The following MPHOSPH9 variants were observed in gnomAD, a reference collection of about 807,000 sequenced individuals.
MPHOSPH9 encodes the protein M-phase phosphoprotein 9.
A neutral mutation model predicts 145.5 loss-of-function variants in MPHOSPH9; 88 were observed. The ratio of observed to expected loss-of-function variants is 0.60; its 90% CI spans 0.51 to 0.72. The LOEUF (loss-of-function observed/expected upper bound fraction) is 0.72. MPHOSPH9 is among the 30% of genes least tolerant of loss of function. MPHOSPH9 has a pLI of 0.00. For synonymous variants in MPHOSPH9, 435 were observed against 486.2 expected (o/e 0.89, Z 1.39); for missense variants, 1,238 against 1,386.6 (o/e 0.89, Z 1.70).
intron 7 of MPHOSPH9, among the ~76,000 whole-genome samples, chr12:123,213,362 G>C (rs1203223872): frequency 1.3e-5 from 2 of 150,714 alleles, no homozygotes; most frequent in Non-Finnish European, 3.0e-5. Flanking sequence ...TTTTTCTTGA[G>C]ACAAAGTCTT....
At chr12:123,162,957 A>G (rs1006751613) in intron 20 of MPHOSPH9, 57 bp downstream of exon 20, 25 of 1,464,098 alleles carry the variant, frequency 1.7e-5, no homozygotes, top group Non-Finnish European at 2.3e-5. Context: ...ATAAGTCAAC[A>G]TTTAGAAAAA....
chr12:123,182,773 G>C (rs1275294021), intron 13 of MPHOSPH9, among the ~76,000 whole-genome samples: 2 of 149,650 alleles, frequency 1.3e-5, no homozygotes, highest in Non-Finnish European at 3.0e-5. Context: ...AATTAGCTGG[G>C]TGTGGTGGCG....
At chr12:123,225,880 A>G (rs2047419540) in intron 3 of MPHOSPH9, among the ~76,000 whole-genome samples, 1 of 151,964 alleles carries the variant, frequency 6.6e-6, no homozygotes, top group Admixed American at 6.6e-5. Flanking sequence ...TACTAAAAAT[A>G]CAAGAATTAG....
At chr12:123,165,277 C>T in intron 18 of MPHOSPH9, 25 bp downstream of exon 18, 1 of 1,559,298 alleles carries the variant, frequency 6.4e-7, no homozygotes, top group African/African-American at 1.4e-5. Context: ...CTATATCCAT[C>T]TATCTCAAAC....
chr12:123,168,719 A>AG (rs2044436348), intron 16 of MPHOSPH9, among the ~76,000 whole-genome samples: 1 of 149,532 alleles, frequency 6.7e-6, no homozygotes, highest in African/African-American at 2.4e-5. Context: ...CCCTCCTCAA[A>AG]CCTCCCATCC....
At chr12:123,228,953 GCATA>G (rs995932820) in intron 2 of MPHOSPH9, among the ~76,000 whole-genome samples, 15 of 152,162 alleles carry the variant, frequency 9.9e-5, no homozygotes, top group Non-Finnish European at 1.9e-4. Context: ...TTCTGCAAGT[GCATA>G]CAGATTACTG....
upstream of MPHOSPH9, among the ~76,000 whole-genome samples, chr12:123,234,142 C>T (rs1405005555): frequency 6.6e-6 from 1 of 152,136 alleles, no homozygotes; most frequent in Non-Finnish European, 1.5e-5. Flanking sequence ...CCCCGTGGGA[C>T]CCCAGCCCAT....
chr12:123,160,879 A>G (rs767639128), intron 22 of MPHOSPH9, 30 bp from the exon 23 acceptor site: 1 of 1,606,108 alleles, frequency 6.2e-7, no homozygotes, highest in Non-Finnish European at 8.5e-7. Flanking sequence ...ATATGTTTAA[A>G]TTACTGGCAG....
chr12:123,194,656 C>A, intron 12 of MPHOSPH9, 55 bp from the exon 13 acceptor site: 2 of 1,292,058 alleles, frequency 1.5e-6, no homozygotes, highest in South Asian at 3.1e-5. Context: ...GAGTCTCGCT[C>A]TGTTGCCCAA....
At chr12:123,190,431 C>T (rs2045629659) in intron 13 of MPHOSPH9, among the ~76,000 whole-genome samples, 1 of 152,114 alleles carries the variant, frequency 6.6e-6, no homozygotes, top group African/African-American at 2.4e-5. Flanking sequence ...ATTACAGGTG[C>T]AAGCCACCAC....
chr12:123,180,521 T>C (rs2045082026), intron 14 of MPHOSPH9, among the ~76,000 whole-genome samples: 1 of 152,140 alleles, frequency 6.6e-6, no homozygotes, highest in Non-Finnish European at 1.5e-5. Context: ...TCAAACATAA[T>C]TGATAAACTC....
At chr12:123,167,014 A>T (rs1028933978) in intron 16 of MPHOSPH9, among the ~76,000 whole-genome samples, 1 of 152,214 alleles carries the variant, frequency 6.6e-6, no homozygotes, top group African/African-American at 2.4e-5. Flanking sequence ...GTCAAGATTC[A>T]GGTACTTGCG....
At chr12:123,153,648 C>T (rs1236074834), downstream of MPHOSPH9, among the ~76,000 whole-genome samples, 1 of 151,550 alleles carries the variant, frequency 6.6e-6, no homozygotes, top group Non-Finnish European at 1.5e-5. Flanking sequence ...ACCTGTAATC[C>T]CACCTACACG....
At chr12:123,240,342 C>T (rs1158744984) in intron 1 of MPHOSPH9, among the ~76,000 whole-genome samples, 3 of 151,100 alleles carry the variant, frequency 2.0e-5, no homozygotes, top group Non-Finnish European at 4.4e-5. Flanking sequence ...ACGGAGACTC[C>T]GTCTAAAAAA....
intron 4 of MPHOSPH9, among the ~76,000 whole-genome samples, chr12:123,222,498 A>T (rs954743663): frequency 6.6e-6 from 1 of 152,000 alleles, no homozygotes; most frequent in African/African-American, 2.4e-5. Context: ...TACTAAAAAT[A>T]CAAAAATTAG....
intron 18 of MPHOSPH9, among the ~76,000 whole-genome samples, 180 bp downstream of exon 18, chr12:123,165,122 A>G (rs1330972992): frequency 2.0e-5 from 3 of 152,042 alleles, no homozygotes; most frequent in Non-Finnish European, 2.9e-5. Context: ...CAGAACTGTG[A>G]TAAATTATTA....
At chr12:123,180,371 T>C (rs986372109) in intron 14 of MPHOSPH9, among the ~76,000 whole-genome samples, 11 of 152,230 alleles carry the variant, frequency 7.2e-5, no homozygotes, top group Admixed American at 6.5e-4. Flanking sequence ...AGCCAAGCTA[T>C]GCAGGCCTTT....
rs1196783587 is a variant in MPHOSPH9 at position 123,208,401 on chromosome 12, G to A, written c.1194+1655C>T. On this transcript the variant is annotated intron_variant, in intron 8 of 23. Coordinates refer to ENST00000606320, the MANE Select transcript of MPHOSPH9 (RefSeq NM_022782.4). Reference sequence around the variant, plus strand: ...AAAATACAAAAATTAGCTGGGCGTGGTGGCATGTGCCTGTAGACCCAGCTA... The same window carrying A: ...AAAATACAAAAATTAGCTGGGCGTGATGGCATGTGCCTGTAGACCCAGCTA... Among the ~76,000 whole-genome samples, 5 of 151,444 alleles carry A rather than the reference G, an allele frequency of 3.3e-5. 1 individual carries two copies. Among genetic ancestry groups the A allele is most frequent in the Admixed American group, 3.3e-4 (5 of 15,148 alleles).
At chr12:123,217,836 G>A (rs2047030707) in intron 6 of MPHOSPH9, among the ~76,000 whole-genome samples, 1 of 152,010 alleles carries the variant, frequency 6.6e-6, no homozygotes, top group African/African-American at 2.4e-5. Flanking sequence ...CTGAGGTCAG[G>A]AGTTCGAGAG....
Sources: allele counts gnomAD v4.1 joint callset (sites outside exome capture counted in the v4.1 genomes callset), GRCh38; gene constraint gnomAD v4.1.1; transcripts MANE v1.5; gene names NCBI Gene and HGNC (gene_info 2026-07-23, HGNC 2026-07-21).